The following C12orf42 variants were observed in gnomAD, a reference collection of about 807,000 sequenced individuals.
The protein encoded by C12orf42 is chromosome 12 open reading frame 42.
Under a neutral mutation model 21.6 loss-of-function variants are expected in C12orf42, and 25 were observed. The observed-to-expected ratio is 1.16, with a 90% CI of 0.84 to 1.62. The LOEUF (loss-of-function observed/expected upper bound fraction) is 1.62, where lower values mean the gene tolerates loss of function less well. Among genes scored for constraint, C12orf42 ranks in the 40% most tolerant of loss-of-function variants. The pLI, the probability that C12orf42 is intolerant of heterozygous loss-of-function variation, is 0.00. For missense variants in C12orf42, 483 were observed against 459.3 expected (o/e 1.05, Z -0.47); for synonymous variants, 174 against 175.0 (o/e 0.99, Z 0.05).
chr12:103,336,302 G>C (rs768328962), intron 4 of C12orf42, among the ~76,000 whole-genome samples: 4 of 152,122 alleles, frequency 2.6e-5, no homozygotes, highest in Non-Finnish European at 1.5e-5. Context: ...GAAGATATAG[G>C]CTTCATTTTT....
intron 4 of C12orf42, among the ~76,000 whole-genome samples, chr12:103,314,652 A>G (rs1446556763): frequency 1.3e-5 from 2 of 151,118 alleles, no homozygotes; most frequent in East Asian, 1.9e-4. Context: ...TGGATTTGAC[A>G]GGAGGAAGAG....
At chr12:103,337,779 G>A (rs1333474386) in intron 4 of C12orf42, among the ~76,000 whole-genome samples, 2 of 152,038 alleles carry the variant, frequency 1.3e-5, no homozygotes, top group Non-Finnish European at 2.9e-5. Context: ...CTCATTCCCA[G>A]CCCAATACTT....
the C12orf42 span, among the ~76,000 whole-genome samples, chr12:103,093,616 T>C: frequency 1.3e-5 from 2 of 152,254 alleles, no homozygotes; most frequent in African/African-American, 2.4e-5. Context: ...AGGACAAGGA[T>C]ACCAGGACTG....
chr12:103,141,705 T>A, the C12orf42 span, among the ~76,000 whole-genome samples: 1 of 151,952 alleles, frequency 6.6e-6, no homozygotes, highest in South Asian at 2.1e-4. Flanking sequence ...AATTTTTGTA[T>A]TTTTAGTAGA....
At chr12:103,168,638 C>A in the C12orf42 span, among the ~76,000 whole-genome samples, 1 of 152,058 alleles carries the variant, frequency 6.6e-6, no homozygotes, top group Admixed American at 6.6e-5. Flanking sequence ...TATTTCTTAA[C>A]CCGTTTAAAA....
At chr12:103,173,706 A>T in the C12orf42 span, among the ~76,000 whole-genome samples, 41 of 152,190 alleles carry the variant, frequency 2.7e-4, no homozygotes, top group African/African-American at 8.7e-4. Flanking sequence ...TCTCCCCGTG[A>T]TTCTTTCCTT....
intron 10 of C12orf42, among the ~76,000 whole-genome samples, chr12:103,238,804 T>G (rs1004368489): frequency 3.3e-5 from 5 of 152,252 alleles, no homozygotes; most frequent in South Asian, 2.1e-4. Context: ...CCTGAAAGAC[T>G]AAAGGAAGAG....
At chr12:103,086,151 T>C in the C12orf42 span, among the ~76,000 whole-genome samples, 5 of 152,198 alleles carry the variant, frequency 3.3e-5, no homozygotes, top group Middle Eastern at 3.4e-3. Context: ...ATTGGAGCGT[T>C]TTTAAGCATT....
At chr12:103,338,221 C>A (rs1472224499) in intron 4 of C12orf42, among the ~76,000 whole-genome samples, 2 of 152,200 alleles carry the variant, frequency 1.3e-5, no homozygotes, top group Non-Finnish European at 2.9e-5. Context: ...ATATCATATG[C>A]AGTGGTACAG....
At chr12:103,447,884 A>T (rs1431648081) in intron 2 of C12orf42, among the ~76,000 whole-genome samples, 1 of 152,026 alleles carries the variant, frequency 6.6e-6, no homozygotes, top group Admixed American at 6.6e-5. Flanking sequence ...GCAATCACAA[A>T]TTCAATGCAA....
At chr12:103,373,565 A>C (rs140034211) in intron 3 of C12orf42, among the ~76,000 whole-genome samples, 337 of 152,288 alleles carry the variant, frequency 2.2e-3, no homozygotes, top group African/African-American at 7.8e-3. Context: ...ATGTAAAGGA[A>C]GTTTCAACTT....
At chr12:103,057,345 T>A in the C12orf42 span, among the ~76,000 whole-genome samples, 1 of 152,118 alleles carries the variant, frequency 6.6e-6, no homozygotes, top group African/African-American at 2.4e-5. Context: ...ATGCTCTCCC[T>A]CCCGTTGCCC....
At chr12:103,435,732 C>T (rs1228605161) in intron 2 of C12orf42, among the ~76,000 whole-genome samples, 3 of 151,804 alleles carry the variant, frequency 2.0e-5, no homozygotes, top group Non-Finnish European at 4.4e-5. Context: ...GCAAAGCCTC[C>T]AAGAAATATG....
At chr12:103,170,994 G>A in the C12orf42 span, among the ~76,000 whole-genome samples, 2 of 151,998 alleles carry the variant, frequency 1.3e-5, no homozygotes, top group African/African-American at 4.8e-5. Context: ...ATCCCATTAT[G>A]TTATACTTGC....
the C12orf42 span, among the ~76,000 whole-genome samples, chr12:103,193,840 C>CACACAAAAAGCAGTGT: frequency 6.6e-6 from 1 of 152,106 alleles, no homozygotes; most frequent in Non-Finnish European, 1.5e-5. Flanking sequence ...GTGAGCCCAG[C>CACACAAAAAGCAGTGT]ATCACTCTGA....
chr12:103,504,323 A>C, the C12orf42 span: 1 of 161,112 alleles, frequency 6.2e-6, no homozygotes, highest in Non-Finnish European at 1.4e-5. Context: ...GAAGATGGCT[A>C]CCTTCAGGGC....
At chr12:103,352,883 G>A (rs1335185543) in intron 4 of C12orf42, among the ~76,000 whole-genome samples, 1 of 152,126 alleles carries the variant, frequency 6.6e-6, no homozygotes, top group Non-Finnish European at 1.5e-5. Flanking sequence ...TCAAGTTCAA[G>A]GAATGTTAGT....
intron 2 of C12orf42, among the ~76,000 whole-genome samples, chr12:103,435,471 C>G (rs1165863349): frequency 6.6e-6 from 1 of 152,088 alleles, no homozygotes; most frequent in African/African-American, 2.4e-5. Context: ...GGAGGACATC[C>G]AAACCAAAGG....
At chr12:103,106,065 T>C in the C12orf42 span, among the ~76,000 whole-genome samples, 1 of 152,156 alleles carries the variant, frequency 6.6e-6, no homozygotes, top group Non-Finnish European at 1.5e-5. Flanking sequence ...CCATACCTGA[T>C]ACATCATAAT....
Sources: allele counts gnomAD v4.1 joint callset (sites outside exome capture counted in the v4.1 genomes callset), GRCh38; gene constraint gnomAD v4.1.1; transcripts MANE v1.5; gene names NCBI Gene and HGNC (gene_info 2026-07-23, HGNC 2026-07-21).